KIF13B: variants seen among roughly 807,000 people sequenced by gnomAD.
The protein encoded by KIF13B is kinesin-like protein KIF13B.
A neutral mutation model predicts 222.0 loss-of-function variants in KIF13B; 127 were observed. That is an observed-to-expected ratio of 0.57 (90% CI 0.50 to 0.66). KIF13B has a LOEUF of 0.66. Among genes scored for constraint, KIF13B ranks in the 30% least tolerant of loss-of-function variants. KIF13B has a pLI of 0.00. For synonymous variants in KIF13B, 976 were observed against 919.0 expected (o/e 1.06, Z -1.12); for missense variants, 2,173 against 2,379.0 (o/e 0.91, Z 1.80).
intron 37 of KIF13B, among the ~76,000 whole-genome samples, chr8:29,090,958 G>A (rs912923933): frequency 2.6e-5 from 4 of 152,154 alleles, no homozygotes; most frequent in Non-Finnish European, 4.4e-5. Flanking sequence ...CCTCAGGTGA[G>A]CCACCTGCCT....
intron 2 of KIF13B, among the ~76,000 whole-genome samples, chr8:29,208,963 A>G (rs1256134386): frequency 6.6e-6 from 1 of 151,686 alleles, no homozygotes; most frequent in East Asian, 1.9e-4. Flanking sequence ...ATGGTGGCCA[A>G]CTCCCTTGCT....
chr8:29,124,885 A>C (rs1170097389), intron 26 of KIF13B, among the ~76,000 whole-genome samples: 1 of 91,206 alleles, frequency 1.1e-5, no homozygotes, highest in Non-Finnish European at 2.4e-5. Context: ...CTCCATCCCA[A>C]AAAAAAAAAA....
chr8:29,082,039 C>T (rs1042299757), intron 37 of KIF13B, among the ~76,000 whole-genome samples: 2 of 152,134 alleles, frequency 1.3e-5, no homozygotes, highest in African/African-American at 4.8e-5. Context: ...AACAAAGAAC[C>T]TAAGATTTCA....
intron 27 of KIF13B, 49 bp from the exon 28 acceptor site, chr8:29,123,541 T>C: frequency 6.2e-7 from 1 of 1,607,560 alleles, no homozygotes; most frequent in South Asian, 1.1e-5. Context: ...ACTTGCCATT[T>C]ATCTTTTTGT....
At chr8:29,081,538 T>C (rs1008212824) in intron 37 of KIF13B, among the ~76,000 whole-genome samples, 7 of 152,222 alleles carry the variant, frequency 4.6e-5, no homozygotes, top group African/African-American at 1.7e-4. Context: ...TGAATTGCAA[T>C]GTGCTAGAAA....
At chr8:29,243,614 CCCCTGCACTTCAG>C (rs1334624339) in intron 2 of KIF13B, among the ~76,000 whole-genome samples, 2 of 151,600 alleles carry the variant, frequency 1.3e-5, no homozygotes, top group African/African-American at 2.4e-5. Flanking sequence ...CGAGATGGCA[CCCCTGCACTTCAG>C]CCTGGGCGAC....
Position 29,135,050 on chromosome 8 carries a change from T to C in KIF13B, c.2614-840A>G, listed in dbSNP as rs551081491. ...ATTTCTTTTGGTGGGCAGCATTAGA[T>C]TGATTTGTTTTTGAGCCAGGGTCTT... is the stretch of plus-strand genomic sequence containing the variant. On this transcript the variant is annotated intron_variant, in intron 21 of 39. Coordinates refer to ENST00000524189, the MANE Select transcript of KIF13B (RefSeq NM_015254.4). Among the ~76,000 whole-genome samples, 5 of 152,192 alleles carry C rather than the reference T, an allele frequency of 3.3e-5. No individual in the cohort carries two copies. The East Asian group carries it at 5.8e-4, about 18-fold the overall frequency.
chr8:29,209,375 A>G lies in KIF13B; in HGVS notation c.150-13176T>C, dbSNP rs548620163. On this transcript the variant is annotated intron_variant, in intron 2 of 39. Coordinates refer to ENST00000524189, the MANE Select transcript of KIF13B (RefSeq NM_015254.4). ...TTTACTCTCTGCAGCTCACACAGCC[A>G]TCCAAACTACCTAAGCCTCAGAAAT... Among the ~76,000 whole-genome samples, 4 of 152,296 alleles carry G rather than the reference A, an allele frequency of 2.6e-5. No homozygotes were observed. In the South Asian group the frequency reaches 8.3e-4, roughly 32 times the overall value.
intron 28 of KIF13B, 56 bp from the exon 29 acceptor site, chr8:29,122,702 A>T (rs1563719978): frequency 5.8e-6 from 8 of 1,375,456 alleles, no homozygotes; most frequent in Non-Finnish European, 8.2e-6. Flanking sequence ...AGTGGCATGC[A>T]CGTAGGAACA....
Position 29,070,861 on chromosome 8 carries a change from GC to G in KIF13B, c.5219-96del. 1 of 1,342,272 alleles carries G rather than the reference GC, an allele frequency of 7.5e-7. No individual in the cohort carries two copies. The highest frequency in any genetic ancestry group is 2.5e-5 in the East Asian group (1 of 39,642). 83.1% of individuals were successfully genotyped at this position (1,342,272 alleles called of 1,614,324 possible). ...TCTGCAGAGGCCATGTGCCCACACT[GC>G]CACCCCCCCGCACAGGCCCTACACA... is the stretch of plus-strand genomic sequence containing the variant. On this transcript the variant is annotated intron_variant, in intron 39 of 39. Transcript: ENST00000524189. This position sits in a 1 kb window ranked among gnomAD's most constrained non-coding sequence, Gnocchi z 4.1.
chr8:29,116,981 G>C lies in KIF13B; in HGVS notation c.3687C>G (p.Ser1229=), dbSNP rs564251220. The C allele has an allele frequency of 3.1e-6, 5 of 1,593,972 alleles. No homozygotes were observed. The highest frequency in any genetic ancestry group is 4.3e-6 in the Non-Finnish European group (5 of 1,166,104). Residue 1229 remains serine, a synonymous_variant, in exon 31 of 40, where the codon TCC becomes TCG. Transcript: ENST00000524189. ...TGAGCTGAGGGCAGCCATGCACCGC[G>C]GAGTCCCAGGAGGCTTCTGCTTTCA... ...GEVKAEASWD[S]AVHGCPQLSR...
At chr8:29,150,157 A>G (rs1811235052) in intron 15 of KIF13B, 140 bp downstream of exon 15, 6 of 584,028 alleles carry the variant, frequency 1.0e-5, no homozygotes, top group Non-Finnish European at 1.5e-5. Flanking sequence ...ACACACATAT[A>G]TAATACACAT....
chr8:29,128,890 C>A lies in KIF13B; in HGVS notation c.3076-1622G>T, dbSNP rs574449317. On this transcript the variant is annotated intron_variant, in intron 24 of 39. Transcript: ENST00000524189. Reference sequence around the variant, plus strand: ...TTCAAGAACAATACAAGCCAATTTTCAAACATATTAGACTCAAATGAGCCT... The same window carrying A: ...TTCAAGAACAATACAAGCCAATTTTAAAACATATTAGACTCAAATGAGCCT... Among the ~76,000 whole-genome samples, 19 of 152,310 alleles carry A rather than the reference C, an allele frequency of 1.2e-4. 1 individual carries two copies. Among genetic ancestry groups the A allele is most frequent in the African/African-American group, 4.6e-4 (19 of 41,570 alleles).
intron 38 of KIF13B, 70 bp downstream of exon 38, chr8:29,075,211 C>G (rs1807496219): frequency 1.6e-6 from 2 of 1,271,812 alleles, no homozygotes; most frequent in South Asian, 2.5e-5. Flanking sequence ...GGTGTGGACT[C>G]AACAGTTTCG....
chr8:29,095,980 TTTTTTG>T (rs1448668914), intron 36 of KIF13B, among the ~76,000 whole-genome samples: 1 of 149,312 alleles, frequency 6.7e-6, no homozygotes, highest in African/African-American at 2.5e-5. Context: ...TTTTTGTTTG[TTTTTTG>T]TTTTTTTTTT....
Position 29,241,266 on chromosome 8 carries a change from G to C in KIF13B, c.149+4080C>G, listed in dbSNP as rs1296011706. Among the ~76,000 whole-genome samples the C allele has an allele frequency of 2.0e-5, 3 of 152,222 alleles. No individual in the cohort carries two copies. In the East Asian group the frequency reaches 5.8e-4, roughly 29 times the overall value. On this transcript the variant is annotated intron_variant, in intron 2 of 39. Transcript: ENST00000524189. Reference sequence around the variant, plus strand: ...AATCTCACATCTACAGAGACAGAAAGTGGATTAATTAACATGGTGATAAAA... The same window carrying C: ...AATCTCACATCTACAGAGACAGAAACTGGATTAATTAACATGGTGATAAAA...
At chr8:29,160,711 G>A (rs764109013) in intron 13 of KIF13B, 22 bp downstream of exon 13, 1 of 1,601,728 alleles carries the variant, frequency 6.2e-7, no homozygotes, top group African/African-American at 1.3e-5. Flanking sequence ...CAAGAATCTA[G>A]TAGCAAAGCA....
In KIF13B at chr8:29,119,134, A is replaced by C. The variant is rs573961090; in HGVS notation, c.3536-142T>G. 2.3e-5 allele frequency: 19 copies of C among 834,484 alleles called. No homozygotes were observed. In the African/African-American group the frequency reaches 2.9e-4, roughly 13 times the overall value. 51.7% of individuals were successfully genotyped at this position (834,484 alleles called of 1,614,324 possible). On this transcript the variant is annotated intron_variant, in intron 29 of 39. Coordinates refer to ENST00000524189, the MANE Select transcript of KIF13B (RefSeq NM_015254.4). ...TCTGAAATCTTACATGACACTGAAG[A>C]TGACCACTTAAAAGTTCACAGATCT...
At chr8:29,124,850 T>C (rs1470177313) in intron 26 of KIF13B, among the ~76,000 whole-genome samples, 3 of 147,006 alleles carry the variant, frequency 2.0e-5, no homozygotes, top group Admixed American at 1.4e-4. Flanking sequence ...GCCATGGCAC[T>C]CCAGCCTGGG....
Sources: allele counts gnomAD v4.1 joint callset (sites outside exome capture counted in the v4.1 genomes callset), GRCh38; gene constraint gnomAD v4.1.1; non-coding constraint Gnocchi (gnomAD v3.1); transcripts MANE v1.5; gene names NCBI Gene and HGNC (gene_info 2026-07-23, HGNC 2026-07-21).